DAOA: variants seen among roughly 807,000 people sequenced by gnomAD.
DAOA encodes D-amino acid oxidase activator.
A neutral mutation model predicts 16.4 loss-of-function variants in DAOA; 15 were observed. The observed-to-expected ratio is 0.91, with a 90% confidence interval of 0.61 to 1.41. The LOEUF (loss-of-function observed/expected upper bound fraction) is 1.41, where lower values mean the gene tolerates loss of function less well. Ranked by LOEUF, DAOA falls within the 40% of genes most tolerant of loss-of-function variation. DAOA has a pLI of 0.00. For missense variants in DAOA, 230 were observed against 176.8 expected, an observed-to-expected ratio of 1.30 and a Z score of -1.71; for synonymous variants, 75 against 59.1, an observed-to-expected ratio of 1.27 and a Z score of -1.23.
chr13:105,472,803 T>C, intron 4 of DAOA, 118 bp downstream of exon 4: 1 of 820,834 alleles, frequency 1.2e-6, no homozygotes, highest in Non-Finnish European at 1.8e-6. Flanking sequence ...ATGTTGAACT[T>C]TTATCTAGCT....
chr13:105,482,752 T>C (rs991852189), intron 4 of DAOA, among the ~76,000 whole-genome samples: 5 of 152,016 alleles, frequency 3.3e-5, no homozygotes, highest in Non-Finnish European at 7.4e-5. Context: ...GTGATCTGCC[T>C]GCTTCTGCTC....
intron 4 of DAOA, chr13:105,474,942 C>G: frequency 1.2e-6 from 1 of 812,282 alleles, no homozygotes; most frequent in South Asian, 5.6e-5. Flanking sequence ...TTGTATTTCC[C>G]GTTCTGAACG....
In DAOA at chr13:105,466,300, G is replaced by A; in HGVS notation, c.12G>A (p.Lys4=). 6.2e-7 allele frequency: 1 copy of A among 1,614,092 alleles called. No individual in the cohort carries two copies. The highest frequency in any genetic ancestry group is 2.2e-5 in the East Asian group (1 of 44,878). MLE[K]LMGADSLQLF... is the part of the protein sequence containing the mutation. ...TGGGAGGACCCAAAATGCTGGAAAA[G>A]CTGATGGGTGCTGATTCTCTCCAGC... Residue 4 remains lysine, a synonymous_variant, in exon 2 of 6, where the codon AAG becomes AAA. Coordinates refer to ENST00000375936, the MANE Select transcript of DAOA (RefSeq NM_172370.5).
chr13:105,490,182 G>A lies in DAOA; in HGVS notation c.*101G>A. On this transcript the variant is annotated 3_prime_UTR_variant, in exon 5 of 6. Coordinates refer to ENST00000375936, the MANE Select transcript of DAOA (RefSeq NM_172370.5). Reference sequence around the variant, plus strand: ...CGGACTCTGTGTCTGGGACCCAGCTGATAACACGTGGTAATATGTTTTATA... The same window carrying A: ...CGGACTCTGTGTCTGGGACCCAGCTAATAACACGTGGTAATATGTTTTATA... The A allele has an allele frequency of 7.5e-7, 1 of 1,338,378 alleles. No individual in the cohort carries two copies. The highest frequency in any genetic ancestry group is 9.7e-7 in the Non-Finnish European group (1 of 1,029,086). 82.9% of individuals were successfully genotyped at this position (1,338,378 alleles called of 1,614,324 possible).
chr13:105,486,361 G>T lies in DAOA; in HGVS notation c.282-3540G>T, dbSNP rs148525990. On this transcript the variant is annotated intron_variant, in intron 4 of 5. Transcript: ENST00000375936. ...TTCCCCAAACCCACCTGCTTCATTT[G>T]GTTAACATCTGTATATTCTTCAGAT... 8.7e-4 allele frequency among the ~76,000 whole-genome samples: 132 copies of T among 151,960 alleles called. 1 individual carries two copies. Among genetic ancestry groups the T allele is most frequent in the Admixed American group, 3.0e-3 (45 of 15,244 alleles).
intron 3 of DAOA, among the ~76,000 whole-genome samples, chr13:105,470,981 G>T (rs1401943794): frequency 2.0e-5 from 3 of 151,994 alleles, no homozygotes; most frequent in Non-Finnish European, 2.9e-5. Flanking sequence ...GTACAGATGG[G>T]GTTTCATCGT....
In DAOA at chr13:105,472,643, C is replaced by T. The variant is rs1011528713; in HGVS notation, c.239C>T (p.Ser80Leu). The change falls in exon 4 of 6, where the codon TCA becomes TTA. Residue 80 changes from serine (S) to leucine (L), a missense_variant. Ser to Leu is a moderately radical substitution (Grantham distance 145). Coordinates refer to ENST00000375936, the MANE Select transcript of DAOA (RefSeq NM_172370.5). ...ATGGCACAGAGGCATTTACAGAGAT[C>T]ATTATGTCCTTGGGTCTCTTACCTT... ...LEMAQRHLQRSLCPWVSYLPQ... is the reference protein window; with the variant it reads ...LEMAQRHLQRLLCPWVSYLPQ... 6.2e-7 allele frequency: 1 copy of T among 1,614,044 alleles called. No individual in the cohort carries two copies. Among genetic ancestry groups the T allele is most frequent in the African/African-American group, 1.3e-5 (1 of 75,054 alleles).
At chr13:105,469,341 C>G (rs1162101600) in intron 3 of DAOA, among the ~76,000 whole-genome samples, 1 of 152,148 alleles carries the variant, frequency 6.6e-6, no homozygotes, top group Non-Finnish European at 1.5e-5. Context: ...TAATTCTGCT[C>G]TGTCATATTT....
At chr13:105,490,271 T>C in intron 5 of DAOA, 79 bp downstream of exon 5, 1 of 701,198 alleles carries the variant, frequency 1.4e-6, no homozygotes, top group Non-Finnish European at 1.8e-6. Context: ...TTTATGAAGA[T>C]TTGTTACACA....
In DAOA at chr13:105,489,924, T is replaced by C. The variant is rs758569691; in HGVS notation, c.305T>C (p.Val102Ala). 15 of 1,613,752 alleles carry C rather than the reference T, an allele frequency of 9.3e-6. No homozygotes were observed. The highest frequency in any genetic ancestry group is 6.7e-5 in the East Asian group (3 of 44,874). Residue 102 changes from valine to alanine, a missense_variant, in exon 5 of 6, where the codon GTT becomes GCT. Coordinates refer to ENST00000375936, the MANE Select transcript of DAOA (RefSeq NM_172370.5). ...AGGCTTGAAGAAGTAAGCAGCCATG[T>C]TGGAAAAGTCTTCATGGCAAGAAAC... ...YAELEEVSSH[V>A]GKVFMARNYE...
intron 3 of DAOA, among the ~76,000 whole-genome samples, chr13:105,469,091 G>A (rs529021713): frequency 3.9e-5 from 6 of 152,226 alleles, no homozygotes; most frequent in Admixed American, 1.3e-4. Context: ...AGTAGACAAG[G>A]CATCTACATT....
At position 105,485,673 on chromosome 13, in the gene DAOA, C is replaced by T. The variant is rs534275310; in HGVS notation, c.282-4228C>T. On this transcript the variant is annotated intron_variant, in intron 4 of 5. Coordinates refer to ENST00000375936, the MANE Select transcript of DAOA (RefSeq NM_172370.5). ...TGAGGTCATTAGAGTGGCTCTATTC[C>T]ATTATGACTGGGGTCCTTGTTGGAA... Among the ~76,000 whole-genome samples the T allele has an allele frequency of 2.0e-5, 3 of 152,148 alleles. No individual in the cohort carries two copies. The South Asian group carries it at 6.2e-4, about 32-fold the overall frequency.
chr13:105,483,996 T>C (rs1393490876), intron 4 of DAOA, among the ~76,000 whole-genome samples: 2 of 152,128 alleles, frequency 1.3e-5, no homozygotes, highest in Non-Finnish European at 2.9e-5. Context: ...TTTTCTTCCA[T>C]GAGTTTTATA....
chr13:105,486,949 AT>A (rs1363281083), intron 4 of DAOA, among the ~76,000 whole-genome samples: 1 of 152,030 alleles, frequency 6.6e-6, no homozygotes, highest in Non-Finnish European at 1.5e-5. Context: ...TACAGCTTCT[AT>A]TTCTTCATTT....
At chr13:105,479,677 A>G (rs1026790918) in intron 4 of DAOA, among the ~76,000 whole-genome samples, 12 of 151,884 alleles carry the variant, frequency 7.9e-5, no homozygotes. Context: ...AGCCCACTCT[A>G]CTCTAGTATT....
In DAOA at chr13:105,476,871, G is replaced by A. The variant is rs529934916; in HGVS notation, c.281+4186G>A. The stretch of plus-strand genomic sequence containing the variant: ...AAGCACAGTTCCTTCACCCCCTACA[G>A]AGCCCCTGTATTCCCAACCCACCAG... On this transcript the variant is annotated intron_variant, in intron 4 of 5. Transcript: ENST00000375936. 2.2e-4 allele frequency among the ~76,000 whole-genome samples: 33 copies of A among 152,100 alleles called. No individual in the cohort carries two copies. The South Asian group carries it at 4.8e-3, about 22-fold the overall frequency.
At chr13:105,480,101 A>G (rs192358687) in intron 4 of DAOA, among the ~76,000 whole-genome samples, 1 of 152,318 alleles carries the variant, frequency 6.6e-6, no homozygotes, top group Non-Finnish European at 1.5e-5. Context: ...AACACATAGT[A>G]TTTATCATTT....
At chr13:105,466,403 C>G in intron 2 of DAOA, 71 bp downstream of exon 2, 1 of 1,608,026 alleles carries the variant, frequency 6.2e-7, no homozygotes, top group African/African-American at 1.3e-5. Context: ...CAGCACAGAG[C>G]TCCCAGGGTG....
At chr13:105,477,527 A>G (rs577048072) in intron 4 of DAOA, among the ~76,000 whole-genome samples, 2 of 152,346 alleles carry the variant, frequency 1.3e-5, no homozygotes, top group East Asian at 1.9e-4. Flanking sequence ...CAGGAGTTCA[A>G]GACCAACCAG....
Sources: gnomAD v4.1 joint callset for allele counts (sites outside exome capture counted in the v4.1 genomes callset) on GRCh38, gnomAD v4.1.1 for gene constraint, MANE v1.5 for transcripts, NCBI Gene and HGNC (gene_info 2026-07-23, HGNC 2026-07-21) for gene names.